Variants in CLTA observed in about 807,000 individuals in gnomAD.
CLTA encodes the protein clathrin, light polypeptide (Lca).
CLTA carries 9 observed loss-of-function variants against 26.9 expected under a neutral mutation model. The observed-to-expected ratio is 0.33, with a 90% CI of 0.20 to 0.58. The LOEUF (loss-of-function observed/expected upper bound fraction) is 0.58. CLTA is among the 20% of genes least tolerant of loss of function. The pLI is 0.85. For synonymous variants in CLTA, 120 were observed against 115.5 expected (o/e 1.04, Z -0.25); for missense variants, 278 against 294.2 (o/e 0.94, Z 0.40).
At chr9:36,204,226 C>T (rs1369567840) in intron 4 of CLTA, 47 bp downstream of exon 4, 1 of 1,566,086 alleles carries the variant, frequency 6.4e-7, no homozygotes, top group Non-Finnish European at 8.7e-7. Flanking sequence ...AAAATTGAAT[C>T]AAATCCATTC....
In CLTA at chr9:36,198,971, G is replaced by A. The variant is rs1218870709; in HGVS notation, c.256-8G>A. ...TATTAATATAGCACAATTGTGTTTT[G>A]TGTTAAGGAAAGTAATGGTCCAACA... On this transcript the variant is annotated splice_region_variant and splice_polypyrimidine_tract_variant and intron_variant, in intron 2 of 4. Transcript: ENST00000345519. 1.3e-6 allele frequency: 2 copies of A among 1,589,982 alleles called. No homozygotes were observed. Among genetic ancestry groups the A allele is most frequent in the African/African-American group, 1.3e-5 (1 of 74,326 alleles).
At chr9:36,198,051 C>T (rs903450223) in intron 2 of CLTA, among the ~76,000 whole-genome samples, 2 of 134,692 alleles carry the variant, frequency 1.5e-5, no homozygotes, top group Non-Finnish European at 3.1e-5. Flanking sequence ...GGCTAGAGTG[C>T]AGTGGCACGA....
At position 36,191,211 on chromosome 9, in the gene CLTA, T is replaced by A; in HGVS notation, c.155T>A (p.Phe52Tyr). 1 of 1,563,058 alleles carries A rather than the reference T, an allele frequency of 6.4e-7. No individual in the cohort carries two copies. The change falls in exon 1 of 5, where the codon TTC becomes TAC. Residue 52 changes from phenylalanine to tyrosine, a missense_variant. Coordinates refer to ENST00000345519, the MANE Select transcript of CLTA (RefSeq NM_001833.4). ...EIAGIENDEAFAILDGGAPGP... is the reference protein window; with the variant it reads ...EIAGIENDEAYAILDGGAPGP... The stretch of plus-strand genomic sequence containing the variant: ...GCGGGCATCGAGAACGACGAGGCCT[T>A]CGCCATCCTGGACGGCGGCGCCCCC...
At chr9:36,195,345 G>C (rs1826960953) in intron 1 of CLTA, among the ~76,000 whole-genome samples, 1 of 152,070 alleles carries the variant, frequency 6.6e-6, no homozygotes, top group African/African-American at 2.4e-5. Context: ...AATCAAAAGA[G>C]AAACTAGGGA....
intron 3 of CLTA, 39 bp downstream of exon 3, chr9:36,199,135 T>G (rs1161107085): frequency 7.8e-7 from 1 of 1,283,550 alleles, no homozygotes; most frequent in Non-Finnish European, 1.1e-6. Flanking sequence ...CTGTTTTCAG[T>G]GGAGTAGTTG....
intron 1 of CLTA, among the ~76,000 whole-genome samples, chr9:36,195,187 A>G (rs1286836364): frequency 1.3e-5 from 2 of 152,256 alleles, no homozygotes; most frequent in Non-Finnish European, 1.5e-5. Flanking sequence ...GAGACATTTA[A>G]AAAGTAAAAG....
intron 1 of CLTA, among the ~76,000 whole-genome samples, chr9:36,195,666 C>G (rs1401313500): frequency 6.6e-6 from 1 of 152,128 alleles, no homozygotes; most frequent in African/African-American, 2.4e-5. Context: ...TTTTAGAAGT[C>G]TTTGAAATAC....
At chr9:36,211,419 C>T (rs984248073) in intron 4 of CLTA, 184 bp from the exon 5 acceptor site, 2 of 222,424 alleles carry the variant, frequency 9.0e-6, no homozygotes, top group Admixed American at 6.5e-5. Flanking sequence ...TCTGGGCACC[C>T]TGTGCCTAGG....
chr9:36,191,072 C>G lies in CLTA; in HGVS notation c.16C>G (p.Pro6Ala), dbSNP rs1826668743. 5 of 1,573,694 alleles carry G rather than the reference C, an allele frequency of 3.2e-6. No individual in the cohort carries two copies. Among genetic ancestry groups the G allele is most frequent in the Non-Finnish European group, 4.3e-6 (5 of 1,168,708 alleles). The change falls in exon 1 of 5, where the codon CCG becomes GCG. Residue 6 changes from proline to alanine, a missense_variant. Pro to Ala is a conservative substitution (Grantham distance 27). Transcript: ENST00000345519. MAELD[P>A]FGAPAGAPGG... ...GTTGCCCGCCATGGCTGAGCTGGAT[C>G]CGTTCGGCGCCCCTGCCGGCGCCCC...
intron 4 of CLTA, chr9:36,209,212 T>C (rs1238632741): frequency 6.2e-7 from 1 of 1,609,722 alleles, no homozygotes. Flanking sequence ...TGCTTCTCAA[T>C]GTTCTCTCTT....
intron 4 of CLTA, chr9:36,210,507 G>A: frequency 1.3e-6 from 2 of 1,542,014 alleles, no homozygotes; most frequent in Non-Finnish European, 1.8e-6. Flanking sequence ...ACGTCCCCAA[G>A]CACAGATAGA....
chr9:36,196,638 C>T (rs1453782421), intron 1 of CLTA, among the ~76,000 whole-genome samples: 2 of 151,978 alleles, frequency 1.3e-5, no homozygotes, highest in East Asian at 1.9e-4. Context: ...TGTGAGCCAC[C>T]GCGCCCAGCT....
At chr9:36,193,993 C>T (rs997513598) in intron 1 of CLTA, among the ~76,000 whole-genome samples, 1 of 152,108 alleles carries the variant, frequency 6.6e-6, no homozygotes, top group Non-Finnish European at 1.5e-5. Context: ...ACAGGAGAGA[C>T]AAGCCACAGA....
upstream of CLTA, chr9:36,190,909 C>T (rs974775671): frequency 7.4e-7 from 1 of 1,355,582 alleles, no homozygotes; most frequent in Non-Finnish European, 9.6e-7. Flanking sequence ...ACCGGATACA[C>T]GGGTAGGGCT....
intron 2 of CLTA, among the ~76,000 whole-genome samples, chr9:36,198,488 C>T (rs1827185021): frequency 6.6e-6 from 1 of 151,736 alleles, no homozygotes. Flanking sequence ...ACCAGCCTGG[C>T]CAACACAGTG....
chr9:36,190,996 T>G lies in CLTA; in HGVS notation c.-61T>G. 1 of 1,467,682 alleles carries G rather than the reference T, an allele frequency of 6.8e-7. No homozygotes were observed. The highest frequency in any genetic ancestry group is 8.9e-7 in the Non-Finnish European group (1 of 1,119,940). 90.9% of individuals were successfully genotyped at this position (1,467,682 alleles called of 1,614,324 possible). A position where few individuals can be genotyped will look rare whatever the true frequency, so the allele number is the denominator to read the frequency against. ...CCACAGCGGTGGCTGCCGGGCGTGG[T>G]GTCGGTGGGTCGGTTGGTTTTTGTC... On this transcript the variant is annotated 5_prime_UTR_variant, in exon 1 of 5. Transcript: ENST00000345519.
chr9:36,211,495 A>G, intron 4 of CLTA, 108 bp from the exon 5 acceptor site: 3 of 1,429,568 alleles, frequency 2.1e-6, no homozygotes, highest in South Asian at 1.4e-5. Context: ...GAAAGCCAGA[A>G]TGTCATTAAG....
chr9:36,209,220 CT>C (rs747721747), intron 4 of CLTA: 51 of 1,612,288 alleles, frequency 3.2e-5, no homozygotes, highest in Non-Finnish European at 4.3e-5. Context: ...AATGTTCTCT[CT>C]TTTTTCCTGC....
chr9:36,205,250 G>A lies in CLTA; in HGVS notation c.485+1071G>A, dbSNP rs1587237975. Among the ~76,000 whole-genome samples the A allele has an allele frequency of 3.9e-5, 6 of 152,176 alleles. No homozygotes were observed. In the South Asian group the frequency reaches 1.2e-3, roughly 31 times the overall value. ...GGGGCGGTGTGCTCAAGGAGTGCCTGTCAGGTTCCATGTGGAGTCCACAGG... is the reference window on the plus strand; with the variant it reads ...GGGGCGGTGTGCTCAAGGAGTGCCTATCAGGTTCCATGTGGAGTCCACAGG... On this transcript the variant is annotated intron_variant, in intron 4 of 4. Coordinates refer to ENST00000345519, the MANE Select transcript of CLTA (RefSeq NM_001833.4).
Sources: allele counts gnomAD v4.1 joint callset (sites outside exome capture counted in the v4.1 genomes callset), GRCh38; gene constraint gnomAD v4.1.1; transcripts MANE v1.5; gene names NCBI Gene and HGNC (gene_info 2026-07-23, HGNC 2026-07-21).